The following PLOD2 variants were observed in gnomAD, a reference collection of about 807,000 sequenced individuals.
The protein encoded by PLOD2 is procollagen-lysine,2-oxoglutarate 5-dioxygenase 2.
A neutral mutation model predicts 101.0 loss-of-function variants in PLOD2; 65 were observed. The observed-to-expected ratio is 0.64, with a 90% confidence interval of 0.53 to 0.79. PLOD2 has a LOEUF of 0.79. Among genes scored for constraint, PLOD2 ranks in the 30% least tolerant of loss-of-function variants. PLOD2 has a pLI of 0.00. For missense variants in PLOD2, 909 were observed against 914.6 expected, an observed-to-expected ratio of 0.99 and a Z score of 0.08; for synonymous variants, 314 against 302.9, an observed-to-expected ratio of 1.04 and a Z score of -0.38.
intron 11 of PLOD2, among the ~76,000 whole-genome samples, chr3:146,083,109 C>G (rs1018152373): frequency 3.3e-5 from 5 of 152,016 alleles, no homozygotes; most frequent in African/African-American, 1.2e-4. Flanking sequence ...TTAAAAAGAA[C>G]TTGTAATTTA....
chr3:146,146,510 G>T (rs894493369), intron 1 of PLOD2, among the ~76,000 whole-genome samples: 1 of 152,080 alleles, frequency 6.6e-6, no homozygotes, highest in Non-Finnish European at 1.5e-5. Flanking sequence ...GAGGAGGGCG[G>T]GTGGACGGAG....
intron 1 of PLOD2, among the ~76,000 whole-genome samples, chr3:146,125,456 G>A (rs1226867706): frequency 6.6e-6 from 1 of 152,012 alleles, no homozygotes; most frequent in Non-Finnish European, 1.5e-5. Flanking sequence ...TAAGAAAAAG[G>A]TATTTCTTGG....
At chr3:146,154,316 A>C (rs1199335245) in intron 1 of PLOD2, among the ~76,000 whole-genome samples, 1 of 151,834 alleles carries the variant, frequency 6.6e-6, no homozygotes, top group African/African-American at 2.4e-5. Context: ...TTTTATTATA[A>C]ATACAGTAGT....
At chr3:146,126,322 T>C (rs1404303833) in intron 1 of PLOD2, among the ~76,000 whole-genome samples, 1 of 150,290 alleles carries the variant, frequency 6.7e-6, no homozygotes, top group Non-Finnish European at 1.5e-5. Flanking sequence ...TTCAGTATCA[T>C]GACTATGATA....
intron 1 of PLOD2, among the ~76,000 whole-genome samples, chr3:146,157,750 G>A (rs1305738289): frequency 6.6e-6 from 1 of 152,084 alleles, no homozygotes; most frequent in African/African-American, 2.4e-5. Flanking sequence ...GAAATAAAAG[G>A]CACAGTCTGT....
At chr3:146,087,342 G>A (rs1476598894) in intron 9 of PLOD2, among the ~76,000 whole-genome samples, 2 of 151,780 alleles carry the variant, frequency 1.3e-5, no homozygotes, top group South Asian at 4.1e-4. Context: ...CCATCAATCT[G>A]AGTTATAAAC....
chr3:146,146,057 T>A (rs948252358), intron 1 of PLOD2, among the ~76,000 whole-genome samples: 4 of 152,192 alleles, frequency 2.6e-5, no homozygotes, highest in Non-Finnish European at 4.4e-5. Flanking sequence ...TTCATAAGTT[T>A]CTTTTTTTCC....
chr3:146,109,426 C>A (rs1188281923), intron 4 of PLOD2, among the ~76,000 whole-genome samples: 1 of 152,160 alleles, frequency 6.6e-6, no homozygotes. Flanking sequence ...GAAACTAAAT[C>A]ACTTCCTAGT....
At chr3:146,145,447 T>C (rs1201032856) in intron 1 of PLOD2, among the ~76,000 whole-genome samples, 2 of 152,092 alleles carry the variant, frequency 1.3e-5, no homozygotes, top group East Asian at 1.9e-4. Flanking sequence ...CCATGTGTAG[T>C]TGGGGTGTCC....
In PLOD2 at chr3:146,154,680, A is replaced by G. The variant is rs543352636; in HGVS notation, c.109+6201T>C. On this transcript the variant is annotated intron_variant, in intron 1 of 19. Coordinates refer to ENST00000282903, the MANE Select transcript of PLOD2 (RefSeq NM_182943.3). ...AAATTAAGCATTTTCTCACTTAATC[A>G]CATCTCCTTTAAGAAATAAATTCAA... is the stretch of plus-strand genomic sequence containing the variant. Among the ~76,000 whole-genome samples the G allele has an allele frequency of 4.5e-4, 68 of 152,330 alleles. 1 individual carries two copies. Among genetic ancestry groups the G allele is most frequent in the African/African-American group, 1.5e-3 (64 of 41,570 alleles).
At position 146,090,104 on chromosome 3, in the gene PLOD2, T is replaced by C. The variant is rs1936926342; in HGVS notation, c.880-1393A>G. On this transcript the variant is annotated intron_variant, in intron 8 of 19. Transcript: ENST00000282903. ...TTAAATTTATACAAATAGAATATCA[T>C]TTATATATTTGTTATGTATATTCAT... Among the ~76,000 whole-genome samples, 3 of 151,188 alleles carry C rather than the reference T, an allele frequency of 2.0e-5. No individual in the cohort carries two copies. The South Asian group carries it at 6.2e-4, about 31-fold the overall frequency.
intron 1 of PLOD2, among the ~76,000 whole-genome samples, chr3:146,145,869 T>C (rs1456938470): frequency 6.6e-6 from 1 of 152,144 alleles, no homozygotes; most frequent in Non-Finnish European, 1.5e-5. Context: ...TAGGGTGCTG[T>C]ATAAAATAAG....
intron 16 of PLOD2, 28 bp from the exon 17 acceptor site, chr3:146,072,693 A>G (rs1936189833): frequency 1.5e-6 from 2 of 1,321,864 alleles, no homozygotes; most frequent in South Asian, 1.2e-5. Flanking sequence ...TCGTTAGAAG[A>G]CATAATAACT....
chr3:146,087,240 T>C (rs1936809542), intron 9 of PLOD2, among the ~76,000 whole-genome samples: 3 of 151,916 alleles, frequency 2.0e-5, no homozygotes, highest in South Asian at 2.1e-4. Flanking sequence ...ATAAAATGTT[T>C]CCAACTGGAG....
At chr3:146,075,920 TTTTC>T (rs1198944047) in intron 15 of PLOD2, 1 of 151,784 alleles carries the variant, frequency 6.6e-6, no homozygotes, top group Non-Finnish European at 1.5e-5. Context: ...GTTTTAATTT[TTTTC>T]TTTTTATTTA....
At chr3:146,092,489 T>C (rs1159138350) in intron 7 of PLOD2, among the ~76,000 whole-genome samples, 6 of 152,058 alleles carry the variant, frequency 3.9e-5, no homozygotes, top group Non-Finnish European at 2.9e-5. Flanking sequence ...AAAAGAGAGC[T>C]TGCAGATCAA....
intron 7 of PLOD2, among the ~76,000 whole-genome samples, chr3:146,094,898 G>A (rs528843135): frequency 6.6e-6 from 1 of 152,158 alleles, no homozygotes; most frequent in African/African-American, 2.4e-5. Context: ...ACAGAACAGA[G>A]GCCTCAGAAA....
intron 7 of PLOD2, among the ~76,000 whole-genome samples, chr3:146,098,929 G>A (rs1937291787): frequency 1.3e-5 from 2 of 151,994 alleles, no homozygotes; most frequent in African/African-American, 4.8e-5. Context: ...TGGATAAGAA[G>A]AATACGTGAC....
chr3:146,079,561 T>C (rs1207955672), intron 12 of PLOD2, among the ~76,000 whole-genome samples: 2 of 151,994 alleles, frequency 1.3e-5, no homozygotes, highest in African/African-American at 2.4e-5. Flanking sequence ...TTATAATCTA[T>C]TGTATAGACG....
Sources: allele counts gnomAD v4.1 joint callset (sites outside exome capture counted in the v4.1 genomes callset), GRCh38; gene constraint gnomAD v4.1.1; transcripts MANE v1.5; gene names NCBI Gene and HGNC (gene_info 2026-07-23, HGNC 2026-07-21).